The following B4GALT5 variants were observed in gnomAD, a reference collection of about 807,000 sequenced individuals.
B4GALT5 encodes the protein UDP-Gal:beta-GlcNAc beta-1,4-galactosyltransferase 5.
B4GALT5 carries 11 observed loss-of-function variants against 45.0 expected under a neutral mutation model. The observed-to-expected ratio is 0.24, with a 90% CI of 0.15 to 0.40. The LOEUF is 0.40. B4GALT5 is among the 10% of genes least tolerant of loss of function. The pLI is 1.00. For synonymous variants in B4GALT5, 185 were observed against 182.9 expected, an observed-to-expected ratio of 1.01 and a Z score of -0.09; for missense variants, 337 against 500.2, an observed-to-expected ratio of 0.67 and a Z score of 3.11.
rs551884837 is a variant in B4GALT5 at position 49,684,096 on chromosome 20, A to C, written c.116-27394T>G. ...GTGGAGGCTGCAGTGAGCTGAGATC[A>C]CACCGCTGCTTTCCAGCCTGGGCAA... On this transcript the variant is annotated intron_variant, in intron 1 of 8. Coordinates refer to ENST00000371711, the MANE Select transcript of B4GALT5 (RefSeq NM_004776.4). Among the ~76,000 whole-genome samples the C allele has an allele frequency of 1.3e-4, 19 of 151,938 alleles. No individual in the cohort carries two copies. In the East Asian group the frequency reaches 3.7e-3, roughly 30 times the overall value.
intron 1 of B4GALT5, among the ~76,000 whole-genome samples, chr20:49,664,470 A>ACACACACACACT (rs1491449710): frequency 7.0e-6 from 1 of 143,328 alleles, no homozygotes; most frequent in Non-Finnish European, 1.5e-5. Context: ...ACACACACAC[A>ACACACACACACT]CTTTAGATTC....
At chr20:49,655,826 G>A (rs867048483) in intron 2 of B4GALT5, among the ~76,000 whole-genome samples, 12 of 151,610 alleles carry the variant, frequency 7.9e-5, no homozygotes, top group African/African-American at 2.9e-4. Flanking sequence ...CTACTCAGGA[G>A]GCTGAGGCAC....
intron 2 of B4GALT5, among the ~76,000 whole-genome samples, chr20:49,649,935 CA>C (rs985413203): frequency 1.2e-4 from 18 of 152,274 alleles, no homozygotes; most frequent in Admixed American, 1.0e-3. Context: ...AAAAGTATTA[CA>C]CTAAGTATAT....
At chr20:49,664,327 T>C (rs527974595) in intron 1 of B4GALT5, among the ~76,000 whole-genome samples, 1 of 151,688 alleles carries the variant, frequency 6.6e-6, no homozygotes, top group East Asian at 1.9e-4. Flanking sequence ...CAAGTGATCC[T>C]CCCAACTCAG....
At chr20:49,707,764 A>G (rs942263074) in intron 1 of B4GALT5, among the ~76,000 whole-genome samples, 2 of 151,990 alleles carry the variant, frequency 1.3e-5, no homozygotes, top group Non-Finnish European at 2.9e-5. Context: ...ACAGGCAGGC[A>G]CCACATCCAA....
chr20:49,693,911 C>G (rs1312613845), intron 1 of B4GALT5, among the ~76,000 whole-genome samples: 2 of 152,174 alleles, frequency 1.3e-5, no homozygotes, highest in African/African-American at 4.8e-5. Flanking sequence ...TACCCACAAA[C>G]AGTTAATGAA....
intron 8 of B4GALT5, 119 bp from the exon 9 acceptor site, chr20:49,636,578 G>T: frequency 1.7e-6 from 2 of 1,182,252 alleles, no homozygotes; most frequent in Non-Finnish European, 2.4e-6. Context: ...CACTTCTGCA[G>T]CACAAGGTGG....
At chr20:49,669,610 C>T (rs1467301291) in intron 1 of B4GALT5, among the ~76,000 whole-genome samples, 2 of 151,174 alleles carry the variant, frequency 1.3e-5, no homozygotes, top group African/African-American at 4.9e-5. Flanking sequence ...AAAGGAGAAT[C>T]ACTTGAACCT....
chr20:49,687,822 G>C (rs57933059), intron 1 of B4GALT5, among the ~76,000 whole-genome samples: 10 of 151,774 alleles, frequency 6.6e-5, no homozygotes. Flanking sequence ...CTATGACTGA[G>C]AGCCTGTGGC....
intron 1 of B4GALT5, among the ~76,000 whole-genome samples, chr20:49,665,483 T>A (rs950465382): frequency 2.1e-5 from 3 of 140,362 alleles, no homozygotes; most frequent in East Asian, 2.0e-4. Context: ...ATAATAATAA[T>A]GAAGAAACAT....
chr20:49,636,266 TG>T lies in B4GALT5; in HGVS notation c.*45del, dbSNP rs2085553392. 1.9e-6 allele frequency: 3 copies of T among 1,606,124 alleles called. No individual in the cohort carries two copies. Among genetic ancestry groups the T allele is most frequent in the Non-Finnish European group, 2.6e-6 (3 of 1,175,748 alleles). ...CCTCCAAAAAAAAATCTCATCGGAC[TG>T]CTTTCTTGGTGGCGGTGGGTAAAGC... On this transcript the variant is annotated 3_prime_UTR_variant, in exon 9 of 9. Transcript: ENST00000371711.
chr20:49,691,531 A>C (rs995498161), intron 1 of B4GALT5, among the ~76,000 whole-genome samples: 19 of 152,002 alleles, frequency 1.2e-4, no homozygotes, highest in Non-Finnish European at 2.4e-4. Flanking sequence ...ACAAAAAAAA[A>C]CCCACACGCC....
intron 1 of B4GALT5, among the ~76,000 whole-genome samples, chr20:49,689,360 CG>C (rs533664039): frequency 9.9e-5 from 15 of 152,270 alleles, no homozygotes; most frequent in African/African-American, 3.6e-4. Context: ...AAAATGATCA[CG>C]GGAGTGGTGT....
chr20:49,686,728 CAAAAAA>C (rs59766440), intron 1 of B4GALT5, among the ~76,000 whole-genome samples: 9 of 59,456 alleles, frequency 1.5e-4, no homozygotes, highest in African/African-American at 5.0e-4. Flanking sequence ...TGTCTCTGCC[CAAAAAA>C]AAAAAAAAAA....
chr20:49,652,750 A>C (rs1482172326), intron 2 of B4GALT5, among the ~76,000 whole-genome samples: 1 of 152,188 alleles, frequency 6.6e-6, no homozygotes, highest in African/African-American at 2.4e-5. Flanking sequence ...TTGCTTTTAA[A>C]CTTAAAGAAA....
At chr20:49,636,632 G>A (rs546111928) in intron 8 of B4GALT5, among the ~76,000 whole-genome samples, 173 bp from the exon 9 acceptor site, 1 of 152,234 alleles carries the variant, frequency 6.6e-6, no homozygotes, top group African/African-American at 2.4e-5. Flanking sequence ...GCTGTGGTCA[G>A]AAACACCTCC....
At chr20:49,678,265 T>G (rs1414191860) in intron 1 of B4GALT5, among the ~76,000 whole-genome samples, 2 of 152,222 alleles carry the variant, frequency 1.3e-5, no homozygotes, top group African/African-American at 4.8e-5. Context: ...TCAACTTGGT[T>G]ACTAATTTCG....
intron 1 of B4GALT5, among the ~76,000 whole-genome samples, chr20:49,711,121 G>GT (rs2059787884): frequency 6.6e-6 from 1 of 151,016 alleles, no homozygotes; most frequent in Non-Finnish European, 1.5e-5. Context: ...ACAGCTAAAT[G>GT]TAACTACTCC....
chr20:49,647,325 C>G lies in B4GALT5; in HGVS notation c.251-247G>C, dbSNP rs182616466. Among the ~76,000 whole-genome samples, 325 of 152,320 alleles carry G rather than the reference C, an allele frequency of 2.1e-3. 1 individual carries two copies. The highest frequency in any genetic ancestry group is 3.1e-3 in the South Asian group (15 of 4,824). On this transcript the variant is annotated intron_variant, in intron 2 of 8. Coordinates refer to ENST00000371711, the MANE Select transcript of B4GALT5 (RefSeq NM_004776.4). ...AGGTTTATATGCAGCACTCAGTTTA[C>G]AGTCAACTGTAATTAAATGTAATTT... is the stretch of plus-strand genomic sequence containing the variant.
Sources: allele counts gnomAD v4.1 joint callset (sites outside exome capture counted in the v4.1 genomes callset), GRCh38; gene constraint gnomAD v4.1.1; transcripts MANE v1.5; gene names NCBI Gene and HGNC (gene_info 2026-07-23, HGNC 2026-07-21).